MTMR4: variants seen among roughly 807,000 people sequenced by gnomAD.
The protein encoded by MTMR4 is myotubularin related protein 4.
A neutral mutation model predicts 125.5 loss-of-function variants in MTMR4; 30 were observed. The observed-to-expected ratio is 0.24, with a 90% confidence interval of 0.18 to 0.32. The LOEUF is 0.32. Among genes scored for constraint, MTMR4 ranks in the 10% least tolerant of loss-of-function variants. The pLI is 1.00. For missense variants in MTMR4, 1,039 were observed against 1,511.5 expected (o/e 0.69, Z 5.18); for synonymous variants, 498 against 564.5 (o/e 0.88, Z 1.67).
chr17:58,513,018 G>A, intron 1 of MTMR4, 77 bp from the exon 2 acceptor site: 2 of 969,474 alleles, frequency 2.1e-6, no homozygotes, highest in South Asian at 2.7e-5. Flanking sequence ...TCCCCACCAA[G>A]AAATCCACAG....
At position 58,504,901 on chromosome 17, in the gene MTMR4, C is replaced by T; in HGVS notation, c.1219G>A (p.Ala407Thr). The T allele has an allele frequency of 6.2e-7, 1 of 1,614,236 alleles. No individual in the cohort carries two copies. Among genetic ancestry groups the T allele is most frequent in the Non-Finnish European group, 8.5e-7 (1 of 1,180,048 alleles). The change falls in exon 11 of 18, where the codon GCT becomes ACT. Residue 407 changes from alanine to threonine, a missense_variant. By Grantham distance (58) the Ala-to-Thr change is moderately conservative. Coordinates refer to ENST00000682306, the MANE Select transcript of MTMR4 (RefSeq NM_001378067.1). The surrounding 1 kb of genome is among the most constrained non-coding windows in gnomAD (Gnocchi z 7.1). ...SVMLKAAVLV[A>T]NTVDREGRPV... Reference sequence around the variant, plus strand: ...CGGCCTTCCCGGTCTACTGTATTAGCCACCAGCACAGCTGCTTTTAGCATC... The same window carrying T: ...CGGCCTTCCCGGTCTACTGTATTAGTCACCAGCACAGCTGCTTTTAGCATC...
Position 58,495,542 on chromosome 17 carries a change from C to T in MTMR4, c.2642G>A (p.Gly881Glu). 1 of 1,614,178 alleles carries T rather than the reference C, an allele frequency of 6.2e-7. No homozygotes were observed. Among genetic ancestry groups the T allele is most frequent in the Non-Finnish European group, 8.5e-7 (1 of 1,180,044 alleles). Reference protein sequence around the residue: ...THGEEDIGKRGNNRNGQLLEN... With the variant: ...THGEEDIGKRENNRNGQLLEN... ...CAATAACTGCCCATTCCTATTATTT[C>T]CTCTTTTACCAATGTCTTCCTCCCC... The change falls in exon 15 of 18, where the codon GGA becomes GAA. Residue 881 changes from glycine to glutamate, a missense_variant. Gly to Glu is a moderately conservative substitution (Grantham distance 98). This residue lies in a region of MTMR4 where 619 missense variants were observed against 714.5 expected (regional missense o/e 0.87). Transcript: ENST00000682306.
At position 58,508,291 on chromosome 17, in the gene MTMR4, T is replaced by G; in HGVS notation, c.594-17A>C. On this transcript the variant is annotated splice_polypyrimidine_tract_variant and intron_variant, in intron 6 of 17. Transcript: ENST00000682306. This position sits in a 1 kb window ranked among gnomAD's most constrained non-coding sequence, Gnocchi z 4.8. ...GGGCACAATCTGAGAAGAGACCAGG[T>G]GGGGGTCACTGCACTGGGTCTAAAA... 1 of 1,606,076 alleles carries G rather than the reference T, an allele frequency of 6.2e-7. No homozygotes were observed. Among genetic ancestry groups the G allele is most frequent in the Non-Finnish European group, 8.5e-7 (1 of 1,172,716 alleles).
At chr17:58,505,901 C>A (rs963782817) in intron 9 of MTMR4, among the ~76,000 whole-genome samples, 9 of 152,022 alleles carry the variant, frequency 5.9e-5, no homozygotes, top group African/African-American at 1.7e-4. Context: ...AGCGAGACTC[C>A]GTCTCAAAAC....
chr17:58,498,061 C>T (rs1456344414), intron 14 of MTMR4, among the ~76,000 whole-genome samples: 2 of 152,106 alleles, frequency 1.3e-5, no homozygotes, highest in Non-Finnish European at 2.9e-5. Flanking sequence ...AATCCCATCT[C>T]TACTAAAAAT....
chr17:58,507,442 C>T, intron 7 of MTMR4, 123 bp from the exon 8 acceptor site: 1 of 757,068 alleles, frequency 1.3e-6, no homozygotes, highest in Non-Finnish European at 2.1e-6. Context: ...GCCATAACAG[C>T]AACCAAAAGC....
intron 9 of MTMR4, 64 bp from the exon 10 acceptor site, chr17:58,505,647 C>T (rs1975760880): frequency 2.7e-6 from 3 of 1,131,808 alleles, no homozygotes; most frequent in Non-Finnish European, 3.9e-6. Flanking sequence ...GTGGCTCACA[C>T]CTGTAATCCC....
intron 4 of MTMR4, among the ~76,000 whole-genome samples, chr17:58,509,661 C>T (rs1293101713): frequency 6.6e-6 from 1 of 151,998 alleles, no homozygotes; most frequent in Non-Finnish European, 1.5e-5. Context: ...CTCAAGCGAT[C>T]CTCCTCCCTC....
chr17:58,496,749 G>A (rs1358751775), intron 14 of MTMR4, among the ~76,000 whole-genome samples: 1 of 152,204 alleles, frequency 6.6e-6, no homozygotes, highest in Non-Finnish European at 1.5e-5. Flanking sequence ...GATGGGTTTT[G>A]GAGCTAGACA....
intron 4 of MTMR4, chr17:58,511,210 C>A: frequency 2.1e-6 from 1 of 465,270 alleles, no homozygotes; most frequent in South Asian, 3.5e-5. Context: ...TTAATCCTTA[C>A]GATGACTCCA....
intron 14 of MTMR4, among the ~76,000 whole-genome samples, chr17:58,503,013 G>A: frequency 6.6e-6 from 1 of 152,082 alleles, no homozygotes; most frequent in East Asian, 1.9e-4. Context: ...AGTAATATAA[G>A]GCCATCCTCC....
In MTMR4 at chr17:58,507,303, C is replaced by T; in HGVS notation, c.724G>A (p.Ala242Thr). The T allele has an allele frequency of 6.2e-7, 1 of 1,613,216 alleles. No individual in the cohort carries two copies. The highest frequency in any genetic ancestry group is 8.5e-7 in the Non-Finnish European group (1 of 1,179,934). ...GGCTGGCTGCAGCGGGCGATGGCAG[C>T]CCCATTGCGCAAGTGTCTGACAAAA... ...VVVYRHLRNG[A>T]AIARCSQPEI... The change falls in exon 8 of 18, where the codon GCT becomes ACT. Residue 242 changes from alanine (A) to threonine (T), a missense_variant. By Grantham distance (58) the Ala-to-Thr change is moderately conservative. Coordinates refer to ENST00000682306, the MANE Select transcript of MTMR4 (RefSeq NM_001378067.1).
chr17:58,518,466 C>T (rs568979635), upstream of MTMR4, among the ~76,000 whole-genome samples: 27 of 152,294 alleles, frequency 1.8e-4, no homozygotes, highest in South Asian at 5.6e-3. Context: ...TTGGTCATCT[C>T]CGACTGGCGG....
rs1450400450 is a variant in MTMR4 at position 58,490,406 on chromosome 17, AAAAAC to A, written c.*1252_*1256del. 6 of 152,588 alleles carry A rather than the reference AAAAAC, an allele frequency of 3.9e-5. No individual in the cohort carries two copies. Among genetic ancestry groups the A allele is most frequent in the Non-Finnish European group, 8.8e-5 (6 of 68,040 alleles). The allele number at this position is 152,588 out of a possible 1,614,324, so 9.5% of individuals were successfully genotyped here. On this transcript the variant is annotated 3_prime_UTR_variant, in exon 18 of 18. Transcript: ENST00000682306. ...GCCACTGGTACATATTAAGATGAAA[AAAAAC>A]AAAAACAAAAACAAAAAAACAAAAT...
chr17:58,496,008 C>T lies in MTMR4; in HGVS notation c.2176G>A (p.Glu726Lys). ...GGATCAGAGGTGTTGCTCTTCATTT[C>T]CCGAGGCACTGCGGTATTAAGCAGT... ...YKLLNTAVPR[E>K]MKSNTSDPEI... Residue 726 changes from glutamate to lysine, a missense_variant, in exon 15 of 18, where the codon GAA becomes AAA. By Grantham distance (56) the Glu-to-Lys change is moderately conservative (BLOSUM62 1). This residue lies in a region of MTMR4 where 619 missense variants were observed against 714.5 expected (regional missense o/e 0.87). Coordinates refer to ENST00000682306, the MANE Select transcript of MTMR4 (RefSeq NM_001378067.1). 3.1e-6 allele frequency: 5 copies of T among 1,614,084 alleles called. No individual in the cohort carries two copies. The highest frequency in any genetic ancestry group is 4.2e-6 in the Non-Finnish European group (5 of 1,180,038).
chr17:58,499,530 A>G (rs1243874353), intron 14 of MTMR4, among the ~76,000 whole-genome samples: 1 of 152,128 alleles, frequency 6.6e-6, no homozygotes, highest in African/African-American at 2.4e-5. Flanking sequence ...CAATGGAGCG[A>G]GAAAACCCTA....
At chr17:58,507,729 C>A (rs1460415948) in intron 7 of MTMR4, among the ~76,000 whole-genome samples, 2 of 152,154 alleles carry the variant, frequency 1.3e-5, no homozygotes, top group Non-Finnish European at 2.9e-5. Context: ...CAATTTTTGG[C>A]CTTGTGGGTC....
Position 58,507,281 on chromosome 17 carries a change from T to C in MTMR4, c.746A>G (p.Gln249Arg). Residue 249 changes from glutamine (Q) to arginine (R), a missense_variant, in exon 8 of 18, where the codon CAG becomes CGG. Gln to Arg is a conservative substitution (Grantham distance 43). Coordinates refer to ENST00000682306, the MANE Select transcript of MTMR4 (RefSeq NM_001378067.1). ...RNGAAIARCS[Q>R]PEISWWGWRN... ...CCAGCCCCACCAGCTGATCTCTGGCTGGCTGCAGCGGGCGATGGCAGCCCC... is the reference window on the plus strand; with the variant it reads ...CCAGCCCCACCAGCTGATCTCTGGCCGGCTGCAGCGGGCGATGGCAGCCCC... 1 of 1,614,064 alleles carries C rather than the reference T, an allele frequency of 6.2e-7. No homozygotes were observed. Among genetic ancestry groups the C allele is most frequent in the Non-Finnish European group, 8.5e-7 (1 of 1,180,016 alleles).
chr17:58,508,743 G>A lies in MTMR4; in HGVS notation c.434C>T (p.Ala145Val). Residue 145 changes from alanine to valine, a missense_variant, in exon 5 of 18, where the codon GCC (alanine) becomes GTC (valine). By Grantham distance (64) the Ala-to-Val change is moderately conservative. Coordinates refer to ENST00000682306, the MANE Select transcript of MTMR4 (RefSeq NM_001378067.1). The surrounding 1 kb of genome is among the most constrained non-coding windows in gnomAD (Gnocchi z 4.8). ...CAGCCCCAGGCACCAGGCATGGTAG[G>A]CAAAGGCAAAGAGGTCTTCAGGCTT... is the stretch of plus-strand genomic sequence containing the variant. Reference protein sequence around the residue: ...PAKPEDLFAFAYHAWCLGLTE... With the variant: ...PAKPEDLFAFVYHAWCLGLTE... 6.2e-7 allele frequency: 1 copy of A among 1,614,248 alleles called. No individual in the cohort carries two copies. The highest frequency in any genetic ancestry group is 8.5e-7 in the Non-Finnish European group (1 of 1,180,054).
Sources: gnomAD v4.1 joint callset for allele counts (sites outside exome capture counted in the v4.1 genomes callset) on GRCh38, gnomAD v4.1.1 for gene constraint, gnomAD v4.1.1 regional missense constraint, Gnocchi (gnomAD v3.1) non-coding constraint, MANE v1.5 for transcripts, NCBI Gene and HGNC (gene_info 2026-07-23, HGNC 2026-07-21) for gene names.